Variants in KCNH8 observed in about 807,000 individuals in gnomAD.
The protein encoded by KCNH8 is potassium voltage-gated channel subfamily H member 8.
A neutral mutation model predicts 103.6 loss-of-function variants in KCNH8; 70 were observed. The ratio of observed to expected loss-of-function variants is 0.68; its 90% CI spans 0.56 to 0.82. The LOEUF (loss-of-function observed/expected upper bound fraction) is 0.82, where lower values mean the gene tolerates loss of function less well. KCNH8 is among the 40% of genes least tolerant of loss of function. KCNH8 has a pLI of 0.00. For synonymous variants in KCNH8, 498 were observed against 489.4 expected, an observed-to-expected ratio of 1.02 and a Z score of -0.23; for missense variants, 1,217 against 1,329.9, an observed-to-expected ratio of 0.92 and a Z score of 1.32.
At chr3:19,216,644 G>C (rs947399938) in intron 1 of KCNH8, among the ~76,000 whole-genome samples, 6 of 152,136 alleles carry the variant, frequency 3.9e-5, no homozygotes, top group African/African-American at 1.4e-4. Flanking sequence ...TTATTTATGT[G>C]ATTTTAGTCC....
intron 11 of KCNH8, among the ~76,000 whole-genome samples, chr3:19,494,564 C>G (rs760706974): frequency 1.8e-4 from 28 of 152,194 alleles, no homozygotes; most frequent in Non-Finnish European, 4.1e-4. Flanking sequence ...ATATCTTTAT[C>G]AACAGCATGA....
intron 11 of KCNH8, among the ~76,000 whole-genome samples, chr3:19,507,138 G>C (rs974738577): frequency 1.3e-5 from 2 of 152,212 alleles, no homozygotes; most frequent in African/African-American, 4.8e-5. Flanking sequence ...GGTGAAGAAT[G>C]GAGGTTCAAG....
chr3:19,392,894 A>G (rs999359906), intron 6 of KCNH8, among the ~76,000 whole-genome samples: 2 of 152,060 alleles, frequency 1.3e-5, no homozygotes, highest in Non-Finnish European at 1.5e-5. Flanking sequence ...TTAACATTAA[A>G]ATATCCATAA....
chr3:19,372,018 TG>T (rs1176196081), intron 5 of KCNH8, among the ~76,000 whole-genome samples: 3 of 152,146 alleles, frequency 2.0e-5, no homozygotes, highest in African/African-American at 7.2e-5. Context: ...ACTGTAGCCT[TG>T]TAGTATAGTT....
At chr3:19,276,115 T>G (rs966773420) in intron 2 of KCNH8, among the ~76,000 whole-genome samples, 13 of 151,986 alleles carry the variant, frequency 8.6e-5, no homozygotes, top group African/African-American at 3.1e-4. Context: ...CCAGCCACAA[T>G]TCATAGCAGC....
intron 3 of KCNH8, among the ~76,000 whole-genome samples, chr3:19,294,775 G>T (rs1208470365): frequency 1.3e-5 from 2 of 152,118 alleles, no homozygotes; most frequent in Non-Finnish European, 2.9e-5. Context: ...GAAAGATGTT[G>T]CCATAGGCTG....
At chr3:19,206,301 G>A (rs912890821) in intron 1 of KCNH8, among the ~76,000 whole-genome samples, 25 of 133,766 alleles carry the variant, frequency 1.9e-4, no homozygotes, top group Admixed American at 1.4e-3. Context: ...TTATCCACTC[G>A]TTGATTGATG....
intron 5 of KCNH8, among the ~76,000 whole-genome samples, chr3:19,389,193 G>T (rs569004676): frequency 1.1e-4 from 16 of 152,236 alleles, no homozygotes; most frequent in African/African-American, 3.6e-4. Context: ...CTGTCTTACA[G>T]TTGCTATATG....
chr3:19,355,326 G>A (rs2125325439), intron 5 of KCNH8, among the ~76,000 whole-genome samples: 1 of 152,310 alleles, frequency 6.6e-6, no homozygotes, highest in East Asian at 1.9e-4. Flanking sequence ...ACAGTATGGT[G>A]ATTCCTCAAG....
Position 19,342,555 on chromosome 3 carries a change from A to G in KCNH8, c.443-32A>G, listed in dbSNP as rs559317567. ...ATTCTTGAGGTGAAATGATGCATGC[A>G]TGTGTGTCTAATGAGTTTTATTTTC... is the stretch of plus-strand genomic sequence containing the variant. On this transcript the variant is annotated intron_variant, in intron 3 of 15. Transcript: ENST00000328405. The G allele has an allele frequency of 2.6e-5, 42 of 1,600,166 alleles. No homozygotes were observed. In the East Asian group the frequency reaches 7.2e-4, roughly 28 times the overall value.
intron 3 of KCNH8, among the ~76,000 whole-genome samples, chr3:19,281,691 A>C (rs1049722287): frequency 1.3e-5 from 2 of 152,084 alleles, no homozygotes; most frequent in Admixed American, 6.6e-5. Flanking sequence ...ACATCTCTCC[A>C]TTTCCTCTAG....
At chr3:19,252,835 G>T (rs1269806860) in intron 1 of KCNH8, among the ~76,000 whole-genome samples, 5 of 152,080 alleles carry the variant, frequency 3.3e-5, no homozygotes, top group Admixed American at 2.6e-4. Flanking sequence ...ACCTGTCATT[G>T]CCCAGCCAAT....
intron 1 of KCNH8, among the ~76,000 whole-genome samples, chr3:19,206,168 G>GTGTGTGTGTGTGTGTGTGTATA (rs979868166): frequency 7.2e-6 from 1 of 139,262 alleles, no homozygotes; most frequent in African/African-American, 2.9e-5. Flanking sequence ...TGGTGTGTGT[G>GTGTGTGTGTGTGTGTGTGTATA]TATATATATA....
intron 11 of KCNH8, among the ~76,000 whole-genome samples, chr3:19,484,966 A>G (rs143029638): frequency 2.0e-4 from 30 of 152,120 alleles, no homozygotes; most frequent in African/African-American, 7.0e-4. Flanking sequence ...TTAATTTTAA[A>G]CAATACCATA....
At chr3:19,289,574 C>T (rs2064887605) in intron 3 of KCNH8, among the ~76,000 whole-genome samples, 1 of 151,968 alleles carries the variant, frequency 6.6e-6, no homozygotes, top group Non-Finnish European at 1.5e-5. Flanking sequence ...TGTTCTGTTC[C>T]ATTGGTCTAT....
chr3:19,356,828 A>T (rs777632823), intron 5 of KCNH8, among the ~76,000 whole-genome samples: 1 of 151,852 alleles, frequency 6.6e-6, no homozygotes, highest in African/African-American at 2.4e-5. Context: ...AATTTCACTC[A>T]ACTTGCTTTT....
At position 19,438,076 on chromosome 3, in the gene KCNH8, C is replaced by T. The variant is rs1169785718; in HGVS notation, c.1178-88C>T. The T allele has an allele frequency of 6.7e-6, 7 of 1,037,574 alleles. No individual in the cohort carries two copies. In the South Asian group the frequency reaches 9.9e-5, roughly 15 times the overall value. The allele number at this position is 1,037,574 out of a possible 1,614,324, so 64.3% of individuals were successfully genotyped here. A position where few individuals can be genotyped will look rare whatever the true frequency, so the allele number is the denominator to read the frequency against. ...CTTCCTCTGAGCAAATTATTACCTC[C>T]CCAAATGTTCATTTATCATTACTCC... On this transcript the variant is annotated intron_variant, in intron 7 of 15. Coordinates refer to ENST00000328405, the MANE Select transcript of KCNH8 (RefSeq NM_144633.3).
At chr3:19,308,479 A>G (rs1279946410) in intron 3 of KCNH8, among the ~76,000 whole-genome samples, 1 of 151,918 alleles carries the variant, frequency 6.6e-6, no homozygotes, top group East Asian at 1.9e-4. Context: ...ATTCAAAAAA[A>G]TAAAACTTTT....
At chr3:19,305,875 A>G (rs1013135085) in intron 3 of KCNH8, among the ~76,000 whole-genome samples, 1 of 152,028 alleles carries the variant, frequency 6.6e-6, no homozygotes, top group Non-Finnish European at 1.5e-5. Context: ...ATGTGTGGTT[A>G]GGGGATGGGA....
Sources: gnomAD v4.1 joint callset for allele counts (sites outside exome capture counted in the v4.1 genomes callset) on GRCh38, gnomAD v4.1.1 for gene constraint, MANE v1.5 for transcripts, NCBI Gene and HGNC (gene_info 2026-07-23, HGNC 2026-07-21) for gene names.